Variants in PTPRT observed in about 807,000 individuals in gnomAD.
PTPRT encodes the protein protein tyrosine phosphatase receptor type T, also known as receptor-type tyrosine-protein phosphatase T.
A neutral mutation model predicts 176.8 loss-of-function variants in PTPRT; 56 were observed. The ratio of observed to expected loss-of-function variants is 0.32; its 90% CI spans 0.26 to 0.40. The LOEUF (loss-of-function observed/expected upper bound fraction) is 0.40, where lower values mean the gene tolerates loss of function less well. Among genes scored for constraint, PTPRT ranks in the 10% least tolerant of loss-of-function variants. The pLI, the probability that PTPRT is intolerant of heterozygous loss-of-function variation, is 1.00. For synonymous variants in PTPRT, 783 were observed against 739.0 expected, an observed-to-expected ratio of 1.06 and a Z score of -0.96; for missense variants, 1,540 against 1,908.2, an observed-to-expected ratio of 0.81 and a Z score of 3.60.
intron 2 of PTPRT, among the ~76,000 whole-genome samples, chr20:42,796,319 A>G (rs1465796960): frequency 1.3e-5 from 2 of 152,194 alleles, no homozygotes; most frequent in Admixed American, 1.3e-4. Context: ...CATATTGAAC[A>G]GTGCTGGTGT....
At chr20:42,659,341 T>C (rs1221598472) in intron 7 of PTPRT, among the ~76,000 whole-genome samples, 2 of 152,212 alleles carry the variant, frequency 1.3e-5, no homozygotes, top group Non-Finnish European at 2.9e-5. Flanking sequence ...TTAAATGTCA[T>C]GGTCTTGGGA....
chr20:42,485,867 T>C (rs1345879404), intron 7 of PTPRT, among the ~76,000 whole-genome samples: 1 of 152,184 alleles, frequency 6.6e-6, no homozygotes, highest in Non-Finnish European at 1.5e-5. Context: ...AGGAACACTT[T>C]CAAATGAAAA....
At chr20:42,522,387 C>T (rs968032878) in intron 7 of PTPRT, among the ~76,000 whole-genome samples, 1 of 151,744 alleles carries the variant, frequency 6.6e-6, no homozygotes, top group Non-Finnish European at 1.5e-5. Context: ...GTCTTTAACG[C>T]TTTCTGAAAT....
At chr20:42,825,172 T>C (rs907133881) in intron 2 of PTPRT, among the ~76,000 whole-genome samples, 2 of 152,120 alleles carry the variant, frequency 1.3e-5, no homozygotes. Flanking sequence ...ATTATCAAGT[T>C]GTGAATCATA....
At chr20:43,089,260 A>C (rs1207275840) in intron 1 of PTPRT, among the ~76,000 whole-genome samples, 2 of 152,356 alleles carry the variant, frequency 1.3e-5, no homozygotes, top group East Asian at 3.9e-4. Context: ...TGAACTCTTC[A>C]TCGTTATATT....
intron 6 of PTPRT, among the ~76,000 whole-genome samples, chr20:42,697,050 C>CT (rs976260300): frequency 4.6e-5 from 7 of 152,268 alleles, no homozygotes; most frequent in African/African-American, 1.7e-4. Flanking sequence ...TATTACCAGA[C>CT]TTTTTTTGTG....
intron 1 of PTPRT, among the ~76,000 whole-genome samples, chr20:43,164,079 A>T (rs913411642): frequency 6.6e-6 from 1 of 152,230 alleles, no homozygotes; most frequent in Admixed American, 6.5e-5. Flanking sequence ...ATTTGGGATT[A>T]TTTAAAATAT....
chr20:42,663,288 T>C (rs2075257942), intron 7 of PTPRT, among the ~76,000 whole-genome samples: 1 of 151,916 alleles, frequency 6.6e-6, no homozygotes, highest in Admixed American at 6.6e-5. Flanking sequence ...TGTGGGCAAT[T>C]TGGGAGGGAG....
intron 2 of PTPRT, among the ~76,000 whole-genome samples, chr20:42,873,179 G>GTGGA (rs1336400247): frequency 1.3e-5 from 2 of 152,206 alleles, no homozygotes; most frequent in African/African-American, 4.8e-5. Context: ...GTGCTAAAAG[G>GTGGA]TGGATGCCTG....
chr20:43,100,864 C>T (rs930034764), intron 1 of PTPRT, among the ~76,000 whole-genome samples: 3 of 151,018 alleles, frequency 2.0e-5, no homozygotes, highest in Admixed American at 1.3e-4. Context: ...TACACATAAA[C>T]GTGTCTATCA....
chr20:42,850,581 T>C (rs564025602), intron 2 of PTPRT, among the ~76,000 whole-genome samples: 1 of 152,296 alleles, frequency 6.6e-6, no homozygotes, highest in African/African-American at 2.4e-5. Flanking sequence ...CCCCCAGTGG[T>C]AGGCAGTCAG....
intron 1 of PTPRT, among the ~76,000 whole-genome samples, chr20:42,927,021 T>C (rs990148448): frequency 1.3e-5 from 2 of 152,158 alleles, no homozygotes; most frequent in African/African-American, 4.8e-5. Flanking sequence ...CCATAGAAGC[T>C]AAAACAACAT....
chr20:42,361,464 G>T (rs1299926448), intron 9 of PTPRT, among the ~76,000 whole-genome samples: 5 of 152,120 alleles, frequency 3.3e-5, no homozygotes, highest in African/African-American at 9.7e-5. Flanking sequence ...ACAATGTAGG[G>T]GATGTGATAT....
intron 2 of PTPRT, among the ~76,000 whole-genome samples, chr20:42,864,327 C>T (rs776708745): frequency 2.0e-5 from 3 of 152,132 alleles, no homozygotes; most frequent in Non-Finnish European, 4.4e-5. Flanking sequence ...TAATCACACA[C>T]ACAGAGAGAG....
chr20:43,011,258 C>G (rs946442353), intron 1 of PTPRT, among the ~76,000 whole-genome samples: 1 of 152,244 alleles, frequency 6.6e-6, no homozygotes, highest in African/African-American at 2.4e-5. Flanking sequence ...AAAATGCCCA[C>G]GCCACAAATG....
intron 7 of PTPRT, among the ~76,000 whole-genome samples, chr20:42,632,641 C>T (rs937935619): frequency 6.7e-6 from 1 of 149,814 alleles, no homozygotes; most frequent in Non-Finnish European, 1.5e-5. Context: ...ATATATTATA[C>T]TAAATTTATG....
At chr20:42,953,392 C>T (rs888925913) in intron 1 of PTPRT, among the ~76,000 whole-genome samples, 11 of 152,284 alleles carry the variant, frequency 7.2e-5, no homozygotes, top group Middle Eastern at 3.4e-3. Context: ...AGCTGGGATT[C>T]GAAAGCAGAT....
chr20:42,054,508 C>T, the PTPRT span, among the ~76,000 whole-genome samples: 3 of 152,202 alleles, frequency 2.0e-5, no homozygotes, highest in African/African-American at 7.2e-5. Flanking sequence ...AGGGATTACT[C>T]TGGTTAACTG....
intron 7 of PTPRT, among the ~76,000 whole-genome samples, chr20:42,573,373 G>T (rs1273399976): frequency 6.6e-6 from 1 of 152,108 alleles, no homozygotes; most frequent in Admixed American, 6.5e-5. Flanking sequence ...GTCTGGATAA[G>T]ATACCCTTCC....
Sources: allele counts gnomAD v4.1 joint callset (sites outside exome capture counted in the v4.1 genomes callset), GRCh38; gene constraint gnomAD v4.1.1; transcripts MANE v1.5; gene names NCBI Gene and HGNC (gene_info 2026-07-23, HGNC 2026-07-21).